The following VPS13B variants were observed in gnomAD, a reference collection of about 807,000 sequenced individuals.
The protein encoded by VPS13B is intermembrane lipid transfer protein VPS13B.
VPS13B carries 285 observed loss-of-function variants against 426.4 expected under a neutral mutation model. The ratio of observed to expected loss-of-function variants is 0.67; its 90% confidence interval spans 0.61 to 0.74. VPS13B has a LOEUF of 0.74. Among genes scored for constraint, VPS13B ranks in the 30% least tolerant of loss-of-function variants. VPS13B has a pLI of 0.00. For synonymous variants in VPS13B, 1,676 were observed against 1,676.4 expected (o/e 1.00, Z 0.01); for missense variants, 4,537 against 4,782.6 (o/e 0.95, Z 1.51).
chr8:99,274,369 G>A (rs1818782056), intron 18 of VPS13B, 37 bp downstream of exon 18: 3 of 1,613,898 alleles, frequency 1.9e-6, no homozygotes, highest in South Asian at 2.2e-5. Flanking sequence ...TTTATTGCCT[G>A]TATAGGAGAA....
intron 3 of VPS13B, among the ~76,000 whole-genome samples, chr8:99,066,305 T>C (rs1299493838): frequency 1.3e-5 from 2 of 152,170 alleles, no homozygotes; most frequent in African/African-American, 4.8e-5. Flanking sequence ...AAAACAGATA[T>C]ATAGACCAAT....
chr8:99,508,749 A>G (rs539461570), intron 28 of VPS13B, among the ~76,000 whole-genome samples: 73 of 152,216 alleles, frequency 4.8e-4, no homozygotes, highest in Non-Finnish European at 9.3e-4. Flanking sequence ...TAAATTTATA[A>G]ATTAAATGCC....
Position 99,720,539 on chromosome 8 carries a change from T to A in VPS13B, c.6852T>A (p.Tyr2284Ter). ...SDDLRTGLFQ[Y>*]VQDAESLKLP... is the part of the protein sequence containing the mutation. The stretch of plus-strand genomic sequence containing the variant: ...ACCTACGGACAGGTCTATTTCAGTA[T>A]GTACAGGATGCTGGTAAGTAGCAAC... The change falls in exon 38 of 62, where the codon TAT (tyrosine) becomes TAA (stop). Residue 2284 changes from tyrosine (Y) to a stop codon, truncating the protein, a stop_gained. Coordinates refer to ENST00000357162, the MANE Select transcript of VPS13B (RefSeq NM_152564.5). LOFTEE classifies it high-confidence loss of function. The A allele has an allele frequency of 1.2e-6, 2 of 1,614,004 alleles. No homozygotes were observed. The highest frequency in any genetic ancestry group is 8.5e-7 in the Non-Finnish European group (1 of 1,179,916).
Position 99,442,434 on chromosome 8 carries a change from A to G in VPS13B, c.3244A>G (p.Asn1082Asp), listed in dbSNP as rs765577339. The G allele has an allele frequency of 4.3e-6, 7 of 1,613,768 alleles. No homozygotes were observed. Among genetic ancestry groups the G allele is most frequent in the Non-Finnish European group, 5.1e-6 (6 of 1,179,872 alleles). The change falls in exon 23 of 62, where the codon AAT (asparagine) becomes GAT (aspartate). Residue 1082 changes from asparagine (N) to aspartate (D), a missense_variant. Physicochemically the swap from Asn to Asp is conservative, Grantham distance 23. Around this residue, in one of 2 missense-constraint regions of VPS13B, gnomAD observed 4,311 missense variants for 4,474.3 expected, o/e 0.96. Transcript: ENST00000357162. ...ACAATCTTGTTGTGTGTTTATTCCAAATGATAGCCTGCCTTCCCCAAGTAC... is the reference window on the plus strand; with the variant it reads ...ACAATCTTGTTGTGTGTTTATTCCAGATGATAGCCTGCCTTCCCCAAGTAC... The part of the protein sequence containing the change: ...EVQSCCVFIP[N>D]DSLPSPSTIV...
chr8:99,363,964 C>G (rs547239071), intron 19 of VPS13B, among the ~76,000 whole-genome samples: 1 of 152,076 alleles, frequency 6.6e-6, no homozygotes, highest in East Asian at 1.9e-4. Context: ...ATTTCTTTCC[C>G]TTGTCTAATT....
In VPS13B at chr8:99,717,105, T is replaced by C. The variant is rs975928692; in HGVS notation, c.6455-66T>C. 2.8e-6 allele frequency: 4 copies of C among 1,441,686 alleles called. No homozygotes were observed. The African/African-American group carries it at 5.7e-5, about 20-fold the overall frequency. The allele number at this position is 1,441,686 out of a possible 1,614,324, so 89.3% of individuals were successfully genotyped here. ...AATTAATACTCTTCAAAAATATAGATAGTTCTTTCCCAAACATTTTTTTTG... is the reference window on the plus strand; with the variant it reads ...AATTAATACTCTTCAAAAATATAGACAGTTCTTTCCCAAACATTTTTTTTG... On this transcript the variant is annotated intron_variant, in intron 36 of 61. Transcript: ENST00000357162.
At chr8:99,810,868 A>G (rs1289109097) in intron 44 of VPS13B, among the ~76,000 whole-genome samples, 1 of 152,208 alleles carries the variant, frequency 6.6e-6, no homozygotes, top group Non-Finnish European at 1.5e-5. Flanking sequence ...TAGACAGTAT[A>G]GCATAAACGA....
chr8:99,233,021 G>T, intron 17 of VPS13B: 1 of 929,044 alleles, frequency 1.1e-6, no homozygotes, highest in South Asian at 1.4e-5. Context: ...CCATTCATCT[G>T]TTGTTTTGCT....
At chr8:99,426,062 CT>C (rs1816687705) in intron 21 of VPS13B, among the ~76,000 whole-genome samples, 1 of 126,738 alleles carries the variant, frequency 7.9e-6, no homozygotes, top group Admixed American at 8.2e-5. Context: ...CCCTCCCCCC[CT>C]CCCCCCACCC....
intron 56 of VPS13B, 84 bp downstream of exon 56, chr8:99,854,340 C>T: frequency 6.8e-7 from 1 of 1,473,004 alleles, no homozygotes; most frequent in Non-Finnish European, 9.2e-7. Context: ...ATTTCAAGAC[C>T]TAAAGAAGCA....
At chr8:99,595,831 A>G (rs1053681688) in intron 33 of VPS13B, among the ~76,000 whole-genome samples, 2 of 151,932 alleles carry the variant, frequency 1.3e-5, no homozygotes, top group African/African-American at 2.4e-5. Flanking sequence ...AAATAACCCA[A>G]TTTTTAAATG....
At position 99,690,015 on chromosome 8, in the gene VPS13B, T is replaced by C. The variant is rs530346095; in HGVS notation, c.6047-9510T>C. On this transcript the variant is annotated intron_variant, in intron 35 of 61. Coordinates refer to ENST00000357162, the MANE Select transcript of VPS13B (RefSeq NM_152564.5). The stretch of plus-strand genomic sequence containing the variant: ...TGTTTTGTTTTTGTTCTAATGATCA[T>C]CTGTTAAAATTGCACCTTTTTTTTA... Among the ~76,000 whole-genome samples the C allele has an allele frequency of 1.1e-4, 17 of 152,354 alleles. No homozygotes were observed. In the South Asian group the frequency reaches 3.5e-3, roughly 32 times the overall value.
intron 47 of VPS13B, 134 bp from the exon 48 acceptor site, chr8:99,819,278 C>A (rs1158675747): frequency 1.9e-6 from 2 of 1,032,496 alleles, no homozygotes; most frequent in African/African-American, 1.6e-5. Flanking sequence ...CATCCACACA[C>A]TGTCCCATAA....
intron 3 of VPS13B, among the ~76,000 whole-genome samples, chr8:99,082,970 T>G (rs1845566565): frequency 6.6e-6 from 1 of 152,206 alleles, no homozygotes; most frequent in African/African-American, 2.4e-5. Flanking sequence ...CATATGAACT[T>G]TAAAGTAGTT....
chr8:99,477,012 C>G (rs72674630), intron 24 of VPS13B, among the ~76,000 whole-genome samples: 1 of 152,036 alleles, frequency 6.6e-6, no homozygotes, highest in Non-Finnish European at 1.5e-5. Context: ...TTTGTTAATT[C>G]ATATCATTTA....
At chr8:99,566,648 G>T (rs145033390) in intron 31 of VPS13B, among the ~76,000 whole-genome samples, 1 of 152,086 alleles carries the variant, frequency 6.6e-6, no homozygotes, top group African/African-American at 2.4e-5. Flanking sequence ...CCACCATGTT[G>T]GCCAGGCTGG....
chr8:99,234,429 C>G (rs1439789713), intron 17 of VPS13B: 6 of 659,802 alleles, frequency 9.1e-6, no homozygotes, highest in African/African-American at 1.8e-5. Flanking sequence ...TAATCAACTT[C>G]CATGATTTTC....
intron 42 of VPS13B, among the ~76,000 whole-genome samples, chr8:99,779,532 A>T (rs1430018094): frequency 2.0e-5 from 3 of 152,184 alleles, no homozygotes; most frequent in Non-Finnish European, 4.4e-5. Flanking sequence ...TGACTTTTTG[A>T]TTCACTAAAA....
intron 39 of VPS13B, among the ~76,000 whole-genome samples, chr8:99,723,123 T>C (rs1034168670): frequency 6.6e-6 from 1 of 152,244 alleles, no homozygotes; most frequent in Admixed American, 6.5e-5. Flanking sequence ...AGTCTTGCTC[T>C]AGCACTTGCA....
Sources: allele counts gnomAD v4.1 joint callset (sites outside exome capture counted in the v4.1 genomes callset), GRCh38; gene constraint gnomAD v4.1.1; regional missense constraint gnomAD v4.1.1; transcripts MANE v1.5; gene names NCBI Gene and HGNC (gene_info 2026-07-23, HGNC 2026-07-21).